PDE4B: variants seen among roughly 807,000 people sequenced by gnomAD.
The protein encoded by PDE4B is phosphodiesterase 4B.
Under a neutral mutation model 82.2 loss-of-function variants are expected in PDE4B, and 20 were observed. That is an observed-to-expected ratio of 0.24 (90% CI 0.17 to 0.35). The LOEUF is 0.35. Ranked by LOEUF, PDE4B falls within the 10% of genes least tolerant of loss-of-function variation. PDE4B has a pLI of 1.00. For synonymous variants in PDE4B, 320 were observed against 318.9 expected (o/e 1.00, Z -0.04); for missense variants, 655 against 907.2 (o/e 0.72, Z 3.57).
intron 3 of PDE4B, among the ~76,000 whole-genome samples, chr1:66,186,281 T>G (rs1557617779): frequency 6.6e-6 from 1 of 152,228 alleles, no homozygotes; most frequent in Admixed American, 6.5e-5. Flanking sequence ...TGCCTCCAGC[T>G]TTGTTCTTTT....
chr1:66,090,145 CA>C (rs1205644679), intron 3 of PDE4B, among the ~76,000 whole-genome samples: 2 of 151,820 alleles, frequency 1.3e-5, no homozygotes, highest in African/African-American at 2.4e-5. Context: ...AGCTAATATA[CA>C]GATAACAAAA....
chr1:66,354,876 A>G (rs1570758938), intron 8 of PDE4B: 2 of 1,535,664 alleles, frequency 1.3e-6, no homozygotes, highest in South Asian at 1.2e-5. Flanking sequence ...TGTTATCTGT[A>G]TCTTGGGGTT....
chr1:66,272,776 A>G (rs1046806158), intron 7 of PDE4B, among the ~76,000 whole-genome samples: 3 of 101,984 alleles, frequency 2.9e-5, no homozygotes, highest in Non-Finnish European at 6.6e-5. Context: ...TGGTACTAGA[A>G]TTCTTTTTTT....
At chr1:65,800,559 T>A (rs1367298295) in intron 1 of PDE4B, among the ~76,000 whole-genome samples, 1 of 152,196 alleles carries the variant, frequency 6.6e-6, no homozygotes, top group Non-Finnish European at 1.5e-5. Context: ...CCTAAGGGTA[T>A]AAAATAAGGC....
chr1:65,991,472 T>C (rs553404731), intron 3 of PDE4B, among the ~76,000 whole-genome samples: 12 of 152,320 alleles, frequency 7.9e-5, no homozygotes, highest in African/African-American at 1.2e-4. Context: ...CCGAGAATCA[T>C]TTCTTTTCTG....
intron 3 of PDE4B, among the ~76,000 whole-genome samples, chr1:66,203,547 T>C (rs1253841527): frequency 6.6e-6 from 1 of 152,216 alleles, no homozygotes; most frequent in Admixed American, 6.5e-5. Flanking sequence ...TGTTCGTTTC[T>C]TTTTATTCTT....
At chr1:66,255,243 C>A (rs925261273) in intron 4 of PDE4B, among the ~76,000 whole-genome samples, 3 of 152,192 alleles carry the variant, frequency 2.0e-5, no homozygotes, top group South Asian at 2.1e-4. Flanking sequence ...TACCACCACA[C>A]CCAGCTAATT....
At chr1:66,235,538 T>C (rs1402744891) in intron 3 of PDE4B, among the ~76,000 whole-genome samples, 1 of 152,238 alleles carries the variant, frequency 6.6e-6, no homozygotes, top group Non-Finnish European at 1.5e-5. Flanking sequence ...ATTAGTGTTA[T>C]CATAGTTTAT....
At chr1:66,199,468 GT>G (rs1211311549) in intron 3 of PDE4B, among the ~76,000 whole-genome samples, 2 of 151,770 alleles carry the variant, frequency 1.3e-5, no homozygotes, top group African/African-American at 4.8e-5. Context: ...TTGTTTGTTT[GT>G]TTTTTTCTTG....
chr1:66,056,934 T>C (rs1655334857), intron 3 of PDE4B, among the ~76,000 whole-genome samples: 1 of 152,222 alleles, frequency 6.6e-6, no homozygotes, highest in African/African-American at 2.4e-5. Flanking sequence ...ACATTTGTGT[T>C]GTTTAAGTCA....
At chr1:65,816,846 G>A (rs114477866) in intron 1 of PDE4B, among the ~76,000 whole-genome samples, 1,917 of 152,130 alleles carry the variant, frequency 0.013, 51 homozygotes, top group African/African-American at 0.044. Context: ...TTTGTAAAAA[G>A]CATTTTTATA....
intron 1 of PDE4B, among the ~76,000 whole-genome samples, chr1:65,867,640 C>G (rs543295271): frequency 1.3e-5 from 2 of 152,298 alleles, no homozygotes; most frequent in South Asian, 4.1e-4. Context: ...ATTGTCATTT[C>G]TAAATCCCTG....
At chr1:65,908,121 C>A (rs1474294511) in intron 1 of PDE4B, among the ~76,000 whole-genome samples, 2 of 152,090 alleles carry the variant, frequency 1.3e-5, no homozygotes, top group Non-Finnish European at 2.9e-5. Flanking sequence ...GTGCCTTCAA[C>A]AAAGGACAGG....
At chr1:66,229,312 C>A (rs967868431) in intron 3 of PDE4B, among the ~76,000 whole-genome samples, 2 of 152,218 alleles carry the variant, frequency 1.3e-5, no homozygotes, top group East Asian at 1.9e-4. Flanking sequence ...CCCGGCCCCC[C>A]AGAGGCTTCT....
At chr1:65,844,104 A>G (rs145268317) in intron 1 of PDE4B, among the ~76,000 whole-genome samples, 23 of 152,200 alleles carry the variant, frequency 1.5e-4, no homozygotes, top group Non-Finnish European at 3.4e-4. Context: ...TCTTCAATAT[A>G]TAATCATAAT....
chr1:66,368,690 C>T (rs1440264044), intron 15 of PDE4B, 97 bp from the exon 16 acceptor site: 14 of 884,098 alleles, frequency 1.6e-5, no homozygotes, highest in African/African-American at 6.9e-5. Context: ...AAAATGTTCT[C>T]GGGTTTAGTA....
chr1:66,157,696 T>G (rs182186336), intron 3 of PDE4B, among the ~76,000 whole-genome samples: 14 of 152,334 alleles, frequency 9.2e-5, no homozygotes, highest in Admixed American at 3.3e-4. Flanking sequence ...ATTTATGATC[T>G]CTCTTTCTCT....
intron 1 of PDE4B, among the ~76,000 whole-genome samples, chr1:65,874,259 A>G (rs1375541487): frequency 3.3e-5 from 5 of 151,856 alleles, no homozygotes; most frequent in Non-Finnish European, 7.4e-5. Context: ...ATTTTTGTAC[A>G]TTGATTTTGT....
At chr1:66,310,970 G>A (rs1240580238) in intron 7 of PDE4B, among the ~76,000 whole-genome samples, 1 of 152,192 alleles carries the variant, frequency 6.6e-6, no homozygotes, top group Admixed American at 6.5e-5. Flanking sequence ...GCATCACAAT[G>A]TATACATTGA....
Sources: gnomAD v4.1 joint callset for allele counts (sites outside exome capture counted in the v4.1 genomes callset) on GRCh38, gnomAD v4.1.1 for gene constraint, MANE v1.5 for transcripts, NCBI Gene and HGNC (gene_info 2026-07-23, HGNC 2026-07-21) for gene names.